Variants in ABR observed in about 807,000 individuals in gnomAD.
ABR encodes the protein active breakpoint cluster region-related protein.
Under a neutral mutation model 107.2 loss-of-function variants are expected in ABR, and 35 were observed. The observed-to-expected ratio is 0.33, with a 90% CI of 0.25 to 0.43. ABR has a LOEUF of 0.43. ABR is among the 20% of genes least tolerant of loss of function. The probability of loss-of-function intolerance (pLI) is 1.00; values close to 1 mark genes in which losing one functional copy is unlikely to be tolerated. For synonymous variants in ABR, 498 were observed against 462.0 expected (o/e 1.08, Z -1.00); for missense variants, 815 against 1,115.2 (o/e 0.73, Z 3.83).
intron 1 of ABR, among the ~76,000 whole-genome samples, chr17:1,130,607 CCCA>C (rs1406120882): frequency 6.6e-6 from 1 of 152,168 alleles, no homozygotes; most frequent in Non-Finnish European, 1.5e-5. Context: ...TAGTGGCCCC[CCCA>C]CAAGGTATGT....
chr17:1,188,603 A>C (rs2042366771), upstream of ABR, among the ~76,000 whole-genome samples: 1 of 152,012 alleles, frequency 6.6e-6, no homozygotes, highest in South Asian at 2.1e-4. Context: ...AGCCTTCAGT[A>C]GGCAGAAGCC....
chr17:1,121,424 G>A (rs1334930508), intron 2 of ABR, among the ~76,000 whole-genome samples: 2 of 152,244 alleles, frequency 1.3e-5, no homozygotes, highest in Non-Finnish European at 2.9e-5. Flanking sequence ...AAGTCTTGTG[G>A]GCCCTGGTGG....
At chr17:1,034,867 G>T (rs113690528) in intron 16 of ABR, among the ~76,000 whole-genome samples, 1,538 of 152,188 alleles carry the variant, frequency 0.01, 22 homozygotes, top group African/African-American at 0.035. Context: ...GCCGGGTGTG[G>T]GGGAGAAGGG....
intron 16 of ABR, among the ~76,000 whole-genome samples, chr17:1,031,393 G>A (rs1428550365): frequency 1.3e-5 from 2 of 152,166 alleles, no homozygotes; most frequent in Non-Finnish European, 2.9e-5. Context: ...ATGCCCGAGC[G>A]CCAGGGTCCG....
chr17:1,220,248 A>G (rs1470103769), intron 1 of ABR, among the ~76,000 whole-genome samples: 1 of 151,274 alleles, frequency 6.6e-6, no homozygotes, highest in Non-Finnish European at 1.5e-5. Context: ...CCAAGATCAC[A>G]CCACTGCACT....
chr17:1,123,202 C>T (rs1158896891), intron 2 of ABR, among the ~76,000 whole-genome samples: 3 of 27,972 alleles, frequency 1.1e-4, no homozygotes, highest in Admixed American at 7.0e-4. Context: ...AGGCAGGTGC[C>T]GCGGATGGGA....
intron 10 of ABR, among the ~76,000 whole-genome samples, chr17:1,062,620 T>C: frequency 7.7e-6 from 1 of 130,570 alleles, no homozygotes; most frequent in African/African-American, 3.0e-5. Context: ...TAGACACTGT[T>C]GTTATGTGAA....
chr17:1,135,310 C>A (rs920110536), intron 1 of ABR, among the ~76,000 whole-genome samples: 1 of 152,158 alleles, frequency 6.6e-6, no homozygotes, highest in East Asian at 1.9e-4. Context: ...TGATCCTCTG[C>A]AGGCTCTTGC....
intron 1 of ABR, among the ~76,000 whole-genome samples, chr17:1,147,262 G>A (rs901191871): frequency 9.9e-5 from 15 of 152,196 alleles, no homozygotes; most frequent in Non-Finnish European, 1.6e-4. Flanking sequence ...CATGACCACG[G>A]GGAGCAGAGC....
At chr17:1,165,926 C>T (rs914386098) in intron 1 of ABR, among the ~76,000 whole-genome samples, 1 of 152,152 alleles carries the variant, frequency 6.6e-6, no homozygotes, top group African/African-American at 2.4e-5. Context: ...CAGCTTGGCC[C>T]GGCTCACAGG....
chr17:1,108,883 G>A, intron 2 of ABR: 1 of 1,525,968 alleles, frequency 6.6e-7, no homozygotes, highest in Non-Finnish European at 8.8e-7. Flanking sequence ...GCGCACCTTC[G>A]GCAGCGCCGG....
chr17:1,080,876 A>G (rs2036187580), intron 5 of ABR, among the ~76,000 whole-genome samples: 1 of 152,072 alleles, frequency 6.6e-6, no homozygotes, highest in South Asian at 2.1e-4. Flanking sequence ...TAGGGTATGA[A>G]ATCACTCCTG....
At chr17:1,110,356 G>A (rs1284109421) in intron 2 of ABR, among the ~76,000 whole-genome samples, 1 of 152,010 alleles carries the variant, frequency 6.6e-6, no homozygotes, top group Non-Finnish European at 1.5e-5. Context: ...TGAGGGTGCG[G>A]GTGAGGCCTG....
Position 1,050,479 on chromosome 17 carries a change from C to A in ABR, c.1659+58G>T, listed in dbSNP as rs967440766. 1 of 1,497,696 alleles carries A rather than the reference C, an allele frequency of 6.7e-7. No individual in the cohort carries two copies. Among genetic ancestry groups the A allele is most frequent in the Admixed American group, 1.7e-5 (1 of 59,798 alleles). The allele number at this position is 1,497,696 out of a possible 1,614,324, so 92.8% of individuals were successfully genotyped here. A position where few individuals can be genotyped will look rare whatever the true frequency, so the allele number is the denominator to read the frequency against. Reference sequence around the variant, plus strand: ...CAATGGGCTGGCCGTCCCCAGCAGACAAGCCACGAGCACGGGGTGGTGGGG... The same window carrying A: ...CAATGGGCTGGCCGTCCCCAGCAGAAAAGCCACGAGCACGGGGTGGTGGGG... On this transcript the variant is annotated intron_variant, in intron 15 of 22. Coordinates refer to ENST00000302538, the MANE Select transcript of ABR (RefSeq NM_021962.5). This position sits in a 1 kb window ranked among gnomAD's most constrained non-coding sequence, Gnocchi z 4.6.
intron 2 of ABR, among the ~76,000 whole-genome samples, chr17:1,103,614 A>G (rs1208328525): frequency 6.6e-6 from 1 of 152,158 alleles, no homozygotes; most frequent in Non-Finnish European, 1.5e-5. Flanking sequence ...CCATTTCTGC[A>G]AGATCCTCCC....
At chr17:1,201,497 A>G (rs1412799473) in intron 1 of ABR, among the ~76,000 whole-genome samples, 1 of 152,120 alleles carries the variant, frequency 6.6e-6, no homozygotes, top group African/African-American at 2.4e-5. Flanking sequence ...ACACACACAC[A>G]CAACACCTCT....
chr17:1,151,733 G>A (rs577013181), intron 1 of ABR, among the ~76,000 whole-genome samples: 2 of 152,168 alleles, frequency 1.3e-5, no homozygotes, highest in African/African-American at 4.8e-5. Flanking sequence ...CAACTCTCTG[G>A]CTGCCCGATC....
intron 1 of ABR, among the ~76,000 whole-genome samples, chr17:1,198,402 C>G (rs1280198718): frequency 6.6e-6 from 1 of 151,536 alleles, no homozygotes; most frequent in Non-Finnish European, 1.5e-5. Context: ...GAGACACCAA[C>G]AGACGGCAAC....
chr17:1,050,507 C>T lies in ABR; in HGVS notation c.1659+30G>A, dbSNP rs1416326733. On this transcript the variant is annotated intron_variant, in intron 15 of 22. Transcript: ENST00000302538. The surrounding 1 kb of genome is among the most constrained non-coding windows in gnomAD (Gnocchi z 4.6). ...GCCACGAGCACGGGGTGGTGGGGTC[C>T]CCACAGAGATGCCAGCCCCTGCCAC... 3 of 1,597,892 alleles carry T rather than the reference C, an allele frequency of 1.9e-6. No homozygotes were observed. The highest frequency in any genetic ancestry group is 8.6e-7 in the Non-Finnish European group (1 of 1,165,878).
Sources: allele counts gnomAD v4.1 joint callset (sites outside exome capture counted in the v4.1 genomes callset), GRCh38; gene constraint gnomAD v4.1.1; non-coding constraint Gnocchi (gnomAD v3.1); transcripts MANE v1.5; gene names NCBI Gene and HGNC (gene_info 2026-07-23, HGNC 2026-07-21).